The following CACNA1H variants were observed in gnomAD, a reference collection of about 807,000 sequenced individuals.
CACNA1H encodes voltage-dependent T-type calcium channel subunit alpha-1H.
In CACNA1H, 149 loss-of-function variants were observed where a neutral mutation model predicts 192.5. The observed-to-expected ratio is 0.77, with a 90% CI of 0.68 to 0.89. The LOEUF (loss-of-function observed/expected upper bound fraction) is 0.89. Among genes scored for constraint, CACNA1H ranks in the 40% least tolerant of loss-of-function variants. CACNA1H has a pLI of 0.00. For synonymous variants in CACNA1H, 2,202 were observed against 1,475.2 expected, an observed-to-expected ratio of 1.49 and a Z score of -11.29; for missense variants, 4,257 against 3,423.5, an observed-to-expected ratio of 1.24 and a Z score of -6.08.
chr16:1,205,939 C>T (rs571316943), intron 11 of CACNA1H, among the ~76,000 whole-genome samples, 165 bp from the exon 12 acceptor site: 11 of 152,322 alleles, frequency 7.2e-5, no homozygotes, highest in South Asian at 2.1e-4. Context: ...TTTTGAGGTG[C>T]TTCCGCAGCT....
In CACNA1H at chr16:1,180,086, G is replaced by A. The variant is rs905463922; in HGVS notation, c.300-14886G>A. On this transcript the variant is annotated intron_variant, in intron 2 of 34. Coordinates refer to ENST00000348261, the MANE Select transcript of CACNA1H (RefSeq NM_021098.3). This position sits in a 1 kb window ranked among gnomAD's most constrained non-coding sequence, Gnocchi z 4.4. ...GTTGCCGGGTGATACTGAGGGGGCC[G>A]GGCTCTGCAGGCACAGGGCTGAGGG... is the stretch of plus-strand genomic sequence containing the variant. Among the ~76,000 whole-genome samples the A allele has an allele frequency of 4.6e-5, 7 of 152,158 alleles. No individual in the cohort carries two copies. Among genetic ancestry groups the A allele is most frequent in the Admixed American group, 6.5e-5 (1 of 15,276 alleles).
chr16:1,220,563 G>T lies in CACNA1H; in HGVS notation c.6631G>T (p.Gly2211Cys). ...CTCTGCGCGGCCCTCCGCGGCAGAGGGCGGCAGCACCACACTGAGGCGCAG... is the reference window on the plus strand; with the variant it reads ...CTCTGCGCGGCCCTCCGCGGCAGAGTGCGGCAGCACCACACTGAGGCGCAG... Reference protein sequence around the residue: ...EGSARPSAAEGGSTTLRRRTP... With the variant: ...EGSARPSAAECGSTTLRRRTP... Residue 2211 changes from glycine (G) to cysteine (C), a missense_variant, in exon 35 of 35, where the codon GGC becomes TGC. Transcript: ENST00000348261. The T allele has an allele frequency of 6.5e-7, 1 of 1,533,316 alleles. No individual in the cohort carries two copies. The highest frequency in any genetic ancestry group is 8.7e-7 in the Non-Finnish European group (1 of 1,146,754). The allele number at this position is 1,533,316 out of a possible 1,614,324, so 95.0% of individuals were successfully genotyped here. A position where few individuals can be genotyped will look rare whatever the true frequency, so the allele number is the denominator to read the frequency against.
At chr16:1,181,911 C>T (rs1022114148) in intron 2 of CACNA1H, among the ~76,000 whole-genome samples, 2 of 152,118 alleles carry the variant, frequency 1.3e-5, no homozygotes, top group African/African-American at 4.8e-5. Flanking sequence ...CACACATGCG[C>T]CCCTCACACA....
rs1198618296 is a variant in CACNA1H, at chr16:1,211,255, C to T, written c.4311C>T (p.Cys1437=). The change falls in exon 22 of 35, where the codon TGC becomes TGT. Residue 1437 remains cysteine, a synonymous_variant. Transcript: ENST00000348261. ...CCATTGGGAACATCGTCCTCATCTG[C>T]TGCGCCTTCTTCATCATTTTTGGCA... ...LRPIGNIVLI[C]CAFFIIFGIL... 1 of 1,613,148 alleles carries T rather than the reference C, an allele frequency of 6.2e-7. No homozygotes were observed. Among genetic ancestry groups the T allele is most frequent in the Non-Finnish European group, 8.5e-7 (1 of 1,179,762 alleles).
chr16:1,204,371 C>A lies in CACNA1H; in HGVS notation c.2364C>A (p.Arg788=). Residue 788 remains arginine (R), a synonymous_variant, in exon 10 of 35, where the codon CGC becomes CGA. Transcript: ENST00000348261. ...LWVTFSGKLR[R]IVDSKYFSRG... is the part of the protein sequence containing the mutation. ...TTACCTTCAGCGGCAAGCTGCGCCG[C>A]ATCGTGGACAGCAAGTACTTCAGCC... 1.3e-6 allele frequency: 2 copies of A among 1,568,570 alleles called. No individual in the cohort carries two copies. The highest frequency in any genetic ancestry group is 1.2e-5 in the South Asian group (1 of 82,564).
chr16:1,221,130 C>T lies in CACNA1H; in HGVS notation c.*136C>T, dbSNP rs550653659. On this transcript the variant is annotated 3_prime_UTR_variant, in exon 35 of 35. Coordinates refer to ENST00000348261, the MANE Select transcript of CACNA1H (RefSeq NM_021098.3). ...AGAAAGGCCCGGGGAGGATGACGGCCCAGGCCCTGGTTCTCTGCCCAGCGA... is the reference window on the plus strand; with the variant it reads ...AGAAAGGCCCGGGGAGGATGACGGCTCAGGCCCTGGTTCTCTGCCCAGCGA... 1.0e-4 allele frequency: 69 copies of T among 661,706 alleles called. No individual in the cohort carries two copies. In the African/African-American group the frequency reaches 1.2e-3, roughly 11 times the overall value. The allele number at this position is 661,706 out of a possible 1,614,324, so 41.0% of individuals were successfully genotyped here.
intron 2 of CACNA1H, among the ~76,000 whole-genome samples, chr16:1,185,507 C>A (rs925603631): frequency 1.4e-5 from 2 of 138,870 alleles, no homozygotes; most frequent in African/African-American, 2.9e-5. Context: ...AGAGTCCCCC[C>A]CCCCGCCGAG....
Position 1,210,597 on chromosome 16 carries a change from C to T in CACNA1H, c.3984C>T (p.Leu1328=), listed in dbSNP as rs1221796345. 5.6e-6 allele frequency: 9 copies of T among 1,608,506 alleles called. No individual in the cohort carries two copies. Among genetic ancestry groups the T allele is most frequent in the Admixed American group, 1.7e-5 (1 of 60,010 alleles). The change falls in exon 20 of 35, where the codon CTC becomes CTT. Residue 1328 remains leucine (L), a synonymous_variant. Transcript: ENST00000348261. ...TCTCCCGGCAGGAGCGGGTCTTCCT[C>T]AGCGTCTCCAATTACATCTTCACGG... ...IDPGSTERVF[L]SVSNYIFTAI...
Position 1,202,080 on chromosome 16 carries a change from G to T in CACNA1H, c.1630G>T (p.Gly544Cys). 6.5e-7 allele frequency: 1 copy of T among 1,541,962 alleles called. No homozygotes were observed. Residue 544 changes from glycine to cysteine, a missense_variant, in exon 9 of 35, where the codon GGC becomes TGC. Physicochemically the swap from Gly to Cys is radical, Grantham distance 159. Coordinates refer to ENST00000348261, the MANE Select transcript of CACNA1H (RefSeq NM_021098.3). ...GSPRRPGPEPGACDTRLVRAG... is the reference protein window; with the variant it reads ...GSPRRPGPEPCACDTRLVRAG... Reference sequence around the variant, plus strand: ...CCCCCGCAGGCCCGGCCCCGAGCCAGGCGCCTGCGACACCAGGCTGGTCCG... The same window carrying T: ...CCCCCGCAGGCCCGGCCCCGAGCCATGCGCCTGCGACACCAGGCTGGTCCG...
At position 1,200,641 on chromosome 16, in the gene CACNA1H, C is replaced by G. The variant is rs567920562; in HGVS notation, c.1119+70C>G. ...GGAGCGGGTGCAGGACTCGCCCCCC[C>G]CAGCCCAGACCCCAGGGGCACGGGG... On this transcript the variant is annotated intron_variant, in intron 7 of 34. Transcript: ENST00000348261. 1.6e-4 allele frequency: 254 copies of G among 1,590,072 alleles called. 1 individual carries two copies. The East Asian group carries it at 4.5e-3, about 28-fold the overall frequency.
rs1346249176 is a variant in CACNA1H, at chr16:1,204,432, A to G, written c.2425A>G (p.Ser809Gly). Residue 809 changes from serine (S) to glycine (G), a missense_variant, in exon 10 of 35, where the codon AGC becomes GGC. By Grantham distance (56) the Ser-to-Gly change is moderately conservative (BLOSUM62 0). Transcript: ENST00000348261. ...GATGGCCATCCTTGTCAACACGCTGAGCATGGGCGTGGAGTACCATGAGCA... is the reference window on the plus strand; with the variant it reads ...GATGGCCATCCTTGTCAACACGCTGGGCATGGGCGTGGAGTACCATGAGCA... Reference protein sequence around the residue: ...IMMAILVNTLSMGVEYHEQPE... With the variant: ...IMMAILVNTLGMGVEYHEQPE... 1 of 1,545,712 alleles carries G rather than the reference A, an allele frequency of 6.5e-7. No homozygotes were observed. Among genetic ancestry groups the G allele is most frequent in the Admixed American group, 1.9e-5 (1 of 51,574 alleles).
intron 2 of CACNA1H, among the ~76,000 whole-genome samples, chr16:1,161,928 A>G (rs2151653498): frequency 6.6e-6 from 1 of 152,188 alleles, no homozygotes; most frequent in East Asian, 1.9e-4. Context: ...CTCGGGGCAG[A>G]TCTTTCTAGA....
chr16:1,212,670 C>A, intron 26 of CACNA1H, 142 bp downstream of exon 26: 1 of 974,432 alleles, frequency 1.0e-6, no homozygotes, highest in South Asian at 1.6e-5. Flanking sequence ...TGAGGAGGGG[C>A]TGCGCTCGCC....
Position 1,187,972 on chromosome 16 carries a change from C to T in CACNA1H, c.300-7000C>T, listed in dbSNP as rs73498012. On this transcript the variant is annotated intron_variant, in intron 2 of 34. Coordinates refer to ENST00000348261, the MANE Select transcript of CACNA1H (RefSeq NM_021098.3). ...AGGGCCAGCAGGAGCCAGGCCGAGC[C>T]GTGTCAGTCAGGAGAGTAGATGGAG... is the stretch of plus-strand genomic sequence containing the variant. Among the ~76,000 whole-genome samples the T allele has an allele frequency of 1.3e-3, 203 of 152,332 alleles. 1 individual carries two copies. The highest frequency in any genetic ancestry group is 4.5e-3 in the African/African-American group (189 of 41,572).
rs542814763 is a variant in CACNA1H at position 1,216,840 on chromosome 16, G to A, written c.5245-92G>A. ...CACCTGGAAGAAGGTGGGCAGGTGG[G>A]GTCTGGTGGCCGAGGCGCCGAGTGC... On this transcript the variant is annotated intron_variant, in intron 30 of 34. Coordinates refer to ENST00000348261, the MANE Select transcript of CACNA1H (RefSeq NM_021098.3). 3.0e-6 allele frequency: 3 copies of A among 994,626 alleles called. No homozygotes were observed. In the East Asian group the frequency reaches 7.8e-5, roughly 26 times the overall value. The allele number at this position is 994,626 out of a possible 1,614,324, so 61.6% of individuals were successfully genotyped here.
In CACNA1H at chr16:1,205,134, T is replaced by C. The variant is rs2141288261; in HGVS notation, c.2472T>C (p.Ala824=). 5 of 1,612,460 alleles carry C rather than the reference T, an allele frequency of 3.1e-6. No individual in the cohort carries two copies. The highest frequency in any genetic ancestry group is 1.7e-5 in the Admixed American group (1 of 59,982). The change falls in exon 11 of 35, where the codon GCT becomes GCC. Residue 824 remains alanine (A), a synonymous_variant. Transcript: ENST00000348261. ...YHEQPEELTN[A]LEISNIVFTS... is the part of the protein sequence containing the mutation. Reference sequence around the variant, plus strand: ...TGCAGCCCGAGGAGCTGACTAATGCTCTGGAGATCAGCAACATCGTGTTCA... The same window carrying C: ...TGCAGCCCGAGGAGCTGACTAATGCCCTGGAGATCAGCAACATCGTGTTCA...
chr16:1,194,807 C>T (rs1013968977), intron 2 of CACNA1H, among the ~76,000 whole-genome samples, 165 bp from the exon 3 acceptor site: 5 of 152,290 alleles, frequency 3.3e-5, no homozygotes, highest in African/African-American at 1.2e-4. Context: ...CTGGTGGCTG[C>T]TTTCAGGAGG....
intron 2 of CACNA1H, among the ~76,000 whole-genome samples, chr16:1,155,260 G>A (rs1596276148): frequency 6.6e-6 from 1 of 152,246 alleles, no homozygotes; most frequent in Non-Finnish European, 1.5e-5. Context: ...CCAGAGGGCT[G>A]CCTCGGAGCC....
At chr16:1,181,472 C>T (rs746948504) in intron 2 of CACNA1H, among the ~76,000 whole-genome samples, 10 of 152,240 alleles carry the variant, frequency 6.6e-5, no homozygotes, top group African/African-American at 9.6e-5. Flanking sequence ...GTCGTGCCCC[C>T]GAGGTCCTTG....
Sources: allele counts gnomAD v4.1 joint callset (sites outside exome capture counted in the v4.1 genomes callset), GRCh38; gene constraint gnomAD v4.1.1; non-coding constraint Gnocchi (gnomAD v3.1); transcripts MANE v1.5; gene names NCBI Gene and HGNC (gene_info 2026-07-23, HGNC 2026-07-21).